Variants in SH3BGRL observed in about 807,000 individuals in gnomAD.
The protein encoded by SH3BGRL is adapter SH3BGRL.
A neutral mutation model predicts 9.8 loss-of-function variants in SH3BGRL; 7 were observed. That is an observed-to-expected ratio of 0.72 (90% CI 0.41 to 1.35). SH3BGRL has a LOEUF of 1.35. Ranked by LOEUF, SH3BGRL falls within the 40% of genes most tolerant of loss-of-function variation. The pLI is 0.01. For synonymous variants in SH3BGRL, 36 were observed against 29.1 expected, an observed-to-expected ratio of 1.24 and a Z score of -0.76; for missense variants, 73 against 84.4, an observed-to-expected ratio of 0.86 and a Z score of 0.53.
chrX:81,297,345 G>A lies in SH3BGRL; in HGVS notation c.*118G>A. On this transcript the variant is annotated 3_prime_UTR_variant, in exon 4 of 4. Transcript: ENST00000373212. ...TTAATGTTGAAATAATAGATTAGTTGGGTTTTCACATGCAAACATTCAAAA... is the reference window on the plus strand; with the variant it reads ...TTAATGTTGAAATAATAGATTAGTTAGGTTTTCACATGCAAACATTCAAAA... 1.9e-6 allele frequency: 1 copy of A among 532,307 alleles called. No individual in the cohort carries two copies. Among genetic ancestry groups the A allele is most frequent in the African/African-American group, 2.3e-5 (1 of 42,847 alleles). The allele number at this position is 532,307 out of a possible 1,213,427, so 43.9% of individuals were successfully genotyped here.
At chrX:81,234,297 C>A (rs2075641234) in intron 1 of SH3BGRL, among the ~76,000 whole-genome samples, 1 of 112,035 alleles carries the variant, frequency 8.9e-6, no homozygotes, top group Admixed American at 9.5e-5. Context: ...AAAATCATTT[C>A]TGCATTATGC....
intron 1 of SH3BGRL, among the ~76,000 whole-genome samples, chrX:81,227,627 G>A (rs1317571861): frequency 8.9e-6 from 1 of 111,860 alleles, no homozygotes; most frequent in African/African-American, 3.2e-5. Context: ...TTTTTTGCTT[G>A]CTATCTTGAT....
intron 1 of SH3BGRL, among the ~76,000 whole-genome samples, chrX:81,239,740 A>C (rs1339030582): frequency 8.9e-6 from 1 of 112,445 alleles, no homozygotes; most frequent in African/African-American, 3.2e-5. Flanking sequence ...AAACTTCCAA[A>C]GATCAAGGAT....
intron 1 of SH3BGRL, among the ~76,000 whole-genome samples, chrX:81,260,558 A>T: frequency 9.1e-6 from 1 of 110,362 alleles, no homozygotes; most frequent in South Asian, 3.9e-4. Context: ...TTGCTAGCAC[A>T]CTCTAAAGTG....
At chrX:81,271,163 C>T (rs769208369) in intron 1 of SH3BGRL, among the ~76,000 whole-genome samples, 2 of 111,935 alleles carry the variant, frequency 1.8e-5, no homozygotes, top group East Asian at 2.8e-4. Flanking sequence ...CACAGCTTTC[C>T]TTGGCCAGGA....
intron 1 of SH3BGRL, among the ~76,000 whole-genome samples, chrX:81,234,491 C>T: frequency 8.9e-6 from 1 of 111,937 alleles, no homozygotes; most frequent in Non-Finnish European, 1.9e-5. Flanking sequence ...TTGTTAATTA[C>T]ATTTCTTTAT....
chrX:81,274,308 G>A (rs931772311), intron 1 of SH3BGRL, among the ~76,000 whole-genome samples: 4 of 111,098 alleles, frequency 3.6e-5, no homozygotes, highest in African/African-American at 1.3e-4. Context: ...TGTGCCTATA[G>A]GTGTATAAGA....
chrX:81,222,704 G>A (rs2075603884), intron 1 of SH3BGRL, among the ~76,000 whole-genome samples: 2 of 111,006 alleles, frequency 1.8e-5, no homozygotes, highest in South Asian at 7.7e-4. Flanking sequence ...GGGATGGCTG[G>A]GTCAAATGGT....
intron 1 of SH3BGRL, among the ~76,000 whole-genome samples, chrX:81,276,012 T>G (rs1295281934): frequency 9.0e-6 from 1 of 111,409 alleles, no homozygotes; most frequent in African/African-American, 3.3e-5. Flanking sequence ...TTTTATTTTT[T>G]GATGACAACA....
intron 1 of SH3BGRL, among the ~76,000 whole-genome samples, chrX:81,220,930 T>G (rs1662281509): frequency 1.8e-5 from 2 of 111,331 alleles, no homozygotes; most frequent in South Asian, 7.4e-4. Context: ...CTTCCAAAAT[T>G]CTTCTTGTTA....
At chrX:81,205,327 G>A (rs1412344097) in intron 1 of SH3BGRL, among the ~76,000 whole-genome samples, 1 of 110,544 alleles carries the variant, frequency 9.0e-6, no homozygotes, top group Non-Finnish European at 1.9e-5. Flanking sequence ...CGTGTGGTAT[G>A]TCTTTTGTCT....
In SH3BGRL at chrX:81,203,304, T is replaced by C. The variant is rs190013663; in HGVS notation, c.45+1059T>C. On this transcript the variant is annotated intron_variant, in intron 1 of 3. Coordinates refer to ENST00000373212, the MANE Select transcript of SH3BGRL (RefSeq NM_003022.3). ...TGTTGTGTGTTTTTATTTTTTGGCT[T>C]GTTTATTTACACCTGAGAGGATGTG... 7.5e-4 allele frequency among the ~76,000 whole-genome samples: 84 copies of C among 111,604 alleles called. No individual in the cohort carries two copies. The East Asian group carries it at 0.021, about 27-fold the overall frequency.
chrX:81,232,306 A>G (rs928481548), intron 1 of SH3BGRL, among the ~76,000 whole-genome samples: 4 of 110,644 alleles, frequency 3.6e-5, no homozygotes, highest in African/African-American at 9.8e-5. Context: ...ACATCACAGA[A>G]TAGTTGTGAT....
At chrX:81,208,878 A>G in intron 1 of SH3BGRL, among the ~76,000 whole-genome samples, 1 of 111,807 alleles carries the variant, frequency 8.9e-6, no homozygotes. Context: ...GATTGCCAGA[A>G]CATCAGGCAA....
chrX:81,262,654 A>T (rs927003838), intron 1 of SH3BGRL, among the ~76,000 whole-genome samples: 1 of 112,033 alleles, frequency 8.9e-6, no homozygotes, highest in Non-Finnish European at 1.9e-5. Flanking sequence ...TAGTAGTATC[A>T]TACCAATGTT....
chrX:81,287,913 T>C (rs1225559579), intron 3 of SH3BGRL, among the ~76,000 whole-genome samples: 1 of 85,786 alleles, frequency 1.2e-5, no homozygotes, highest in Admixed American at 1.4e-4. Flanking sequence ...GGTGCCAAAA[T>C]CACACTAGAA....
At chrX:81,241,798 C>T (rs2075670853) in intron 1 of SH3BGRL, among the ~76,000 whole-genome samples, 1 of 112,513 alleles carries the variant, frequency 8.9e-6, no homozygotes, top group African/African-American at 3.2e-5. Context: ...CACCACGTTC[C>T]TCTCGTCCAG....
At chrX:81,235,015 G>T (rs190563332) in intron 1 of SH3BGRL, among the ~76,000 whole-genome samples, 42 of 111,425 alleles carry the variant, frequency 3.8e-4, no homozygotes, top group South Asian at 2.2e-3. Flanking sequence ...TTTAATGGTG[G>T]TTGTCTTGAG....
intron 3 of SH3BGRL, among the ~76,000 whole-genome samples, chrX:81,283,354 G>A (rs1485895000): frequency 9.0e-6 from 1 of 110,648 alleles, no homozygotes. Context: ...AATCAGGAAA[G>A]GACACAACCA....
Sources: allele counts gnomAD v4.1 joint callset (sites outside exome capture counted in the v4.1 genomes callset), GRCh38; gene constraint gnomAD v4.1.1; transcripts MANE v1.5; gene names NCBI Gene and HGNC (gene_info 2026-07-23, HGNC 2026-07-21).